Variants in TRHDE observed in about 807,000 individuals in gnomAD.
The protein encoded by TRHDE is thyrotropin releasing hormone degrading enzyme, also known as thyrotropin-releasing hormone-degrading ectoenzyme.
A neutral mutation model predicts 125.7 loss-of-function variants in TRHDE; 72 were observed. The observed-to-expected ratio is 0.57, with a 90% CI of 0.47 to 0.70. The LOEUF is 0.70. Ranked by LOEUF, TRHDE falls within the 30% of genes least tolerant of loss-of-function variation. TRHDE has a pLI of 0.00. For missense variants in TRHDE, 1,110 were observed against 1,327.1 expected, an observed-to-expected ratio of 0.84 and a Z score of 2.54; for synonymous variants, 509 against 509.1, an observed-to-expected ratio of 1.00 and a Z score of 0.00.
intron 2 of TRHDE, among the ~76,000 whole-genome samples, chr12:72,118,964 G>A (rs1039034879): frequency 6.6e-6 from 1 of 151,588 alleles, no homozygotes; most frequent in African/African-American, 2.4e-5. Flanking sequence ...AAGGTTTGTT[G>A]ATTTTGTTTA....
chr12:72,404,836 C>G (rs747461055), intron 3 of TRHDE, among the ~76,000 whole-genome samples: 12 of 152,176 alleles, frequency 7.9e-5, no homozygotes, highest in Non-Finnish European at 1.5e-4. Context: ...ACCTCTGCTA[C>G]TTCTGAGATA....
intron 2 of TRHDE, among the ~76,000 whole-genome samples, chr12:72,372,272 T>C (rs1311642997): frequency 6.6e-6 from 1 of 152,144 alleles, no homozygotes; most frequent in African/African-American, 2.4e-5. Context: ...TTGAGTTCAT[T>C]GTAGATTCTA....
At chr12:72,125,389 A>G (rs1182335048) in intron 2 of TRHDE, among the ~76,000 whole-genome samples, 3 of 152,034 alleles carry the variant, frequency 2.0e-5, no homozygotes, top group Non-Finnish European at 4.4e-5. Context: ...CTGAATGCTT[A>G]CCTATTAAAA....
At position 72,272,777 on chromosome 12, in the gene TRHDE, C is replaced by A; in HGVS notation, c.134C>A (p.Ala45Glu). ...AEKSSSPFAA[A>E]MGEDDAALRA... ...AAGAGCAGCTCACCCTTCGCAGCCG[C>A]GATGGGGGAAGACGACGCCGCGCTT... Residue 45 changes from alanine to glutamate, a missense_variant, in exon 1 of 19, where the codon GCG (alanine) becomes GAG (glutamate). Ala to Glu is a moderately radical substitution (Grantham distance 107, BLOSUM62 -1). This residue lies in a region of TRHDE where 248 missense variants were observed against 240.8 expected (regional missense o/e 1.03). Transcript: ENST00000261180. This position sits in a 1 kb window ranked among gnomAD's most constrained non-coding sequence, Gnocchi z 6.7. 6.4e-7 allele frequency: 1 copy of A among 1,551,804 alleles called. No individual in the cohort carries two copies. Among genetic ancestry groups the A allele is most frequent in the Non-Finnish European group, 8.7e-7 (1 of 1,150,806 alleles).
chr12:72,588,598 G>A (rs551537098), intron 12 of TRHDE, among the ~76,000 whole-genome samples: 7 of 152,242 alleles, frequency 4.6e-5, no homozygotes, highest in African/African-American at 7.2e-5. Context: ...CCAGGCCTGT[G>A]TTTTTAAAGG....
chr12:72,218,507 A>C (rs1877940107), intron 2 of TRHDE, among the ~76,000 whole-genome samples: 1 of 152,094 alleles, frequency 6.6e-6, no homozygotes, highest in Non-Finnish European at 1.5e-5. Context: ...GCTGTAATAA[A>C]TTACTACTAA....
chr12:72,464,442 C>T (rs1000137612), intron 3 of TRHDE, among the ~76,000 whole-genome samples: 23 of 152,034 alleles, frequency 1.5e-4, no homozygotes, highest in African/African-American at 4.8e-4. Flanking sequence ...CTGCATTCTC[C>T]GGAGGGGATG....
chr12:72,350,024 T>C (rs946326748), intron 2 of TRHDE, among the ~76,000 whole-genome samples: 1 of 151,992 alleles, frequency 6.6e-6, no homozygotes, highest in African/African-American at 2.4e-5. Flanking sequence ...ATGATACCAT[T>C]TTATGTGCCA....
At chr12:72,180,267 A>T (rs981693601) in intron 2 of TRHDE, among the ~76,000 whole-genome samples, 3 of 152,146 alleles carry the variant, frequency 2.0e-5, no homozygotes, top group Non-Finnish European at 4.4e-5. Flanking sequence ...GACATGCAGA[A>T]ATATTTGTGT....
intron 3 of TRHDE, among the ~76,000 whole-genome samples, chr12:72,384,444 C>A (rs901954778): frequency 4.6e-5 from 7 of 152,094 alleles, no homozygotes; most frequent in African/African-American, 1.7e-4. Flanking sequence ...TATAATCAAG[C>A]ACCAACATTT....
intron 2 of TRHDE, among the ~76,000 whole-genome samples, chr12:72,223,669 T>G (rs764615213): frequency 2.9e-4 from 44 of 152,250 alleles, no homozygotes; most frequent in Middle Eastern, 3.4e-3. Context: ...CAATATAAAC[T>G]CAGTTGTATA....
intron 3 of TRHDE, among the ~76,000 whole-genome samples, chr12:72,401,177 T>A (rs185287997): frequency 6.6e-6 from 1 of 152,294 alleles, no homozygotes; most frequent in African/African-American, 2.4e-5. Flanking sequence ...TTGTCTTGTT[T>A]AAAGGCAGAT....
intron 2 of TRHDE, among the ~76,000 whole-genome samples, chr12:72,216,741 T>C (rs2139365429): frequency 6.6e-6 from 1 of 152,284 alleles, no homozygotes; most frequent in South Asian, 2.1e-4. Context: ...TTACATTTCC[T>C]CTAAGATTTT....
chr12:72,574,256 T>C (rs1592546773), intron 10 of TRHDE, among the ~76,000 whole-genome samples: 1 of 152,054 alleles, frequency 6.6e-6, no homozygotes, highest in Non-Finnish European at 1.5e-5. Context: ...GAACTAGAGA[T>C]GTATCCCTAC....
In TRHDE at chr12:72,305,256, TA is replaced by T. The variant is rs1460266223; in HGVS notation, c.1188+18303del. On this transcript the variant is annotated intron_variant, in intron 2 of 18. Transcript: ENST00000261180. Reference sequence around the variant, plus strand: ...ATGACATTCCTACTGACATGCTCAGTAGGAAATAATAAATGTTATTCCATAA... The same window carrying T: ...ATGACATTCCTACTGACATGCTCAGTGGAAATAATAAATGTTATTCCATAA... Among the ~76,000 whole-genome samples, 7 of 152,184 alleles carry T rather than the reference TA, an allele frequency of 4.6e-5. No individual in the cohort carries two copies. In the East Asian group the frequency reaches 1.3e-3, roughly 29 times the overall value.
rs546225614 is a variant in TRHDE at position 72,282,859 on chromosome 12, C to G, written c.915-3822C>G. Among the ~76,000 whole-genome samples, 55 of 152,306 alleles carry G rather than the reference C, an allele frequency of 3.6e-4. 1 individual carries two copies. The highest frequency in any genetic ancestry group is 1.3e-3 in the African/African-American group (52 of 41,564). The stretch of plus-strand genomic sequence containing the variant: ...GACAATTTCTTCCTACAGTGGACAT[C>G]TGCAATGTCCAGAGACATTTTTGCC... On this transcript the variant is annotated intron_variant, in intron 1 of 18. Transcript: ENST00000261180.
At chr12:72,320,075 C>T (rs1697168638) in intron 2 of TRHDE, among the ~76,000 whole-genome samples, 1 of 151,940 alleles carries the variant, frequency 6.6e-6, no homozygotes, top group South Asian at 2.1e-4. Context: ...ATTTTATCTA[C>T]CCTACTTTTA....
intron 3 of TRHDE, among the ~76,000 whole-genome samples, chr12:72,380,853 C>T (rs779567906): frequency 4.3e-4 from 64 of 147,926 alleles, no homozygotes; most frequent in Non-Finnish European, 6.1e-4. Flanking sequence ...CTCCTTCTCT[C>T]TCTCTCTTTC....
intron 2 of TRHDE, among the ~76,000 whole-genome samples, chr12:72,184,962 C>A (rs890664650): frequency 1.3e-5 from 2 of 152,194 alleles, no homozygotes; most frequent in East Asian, 3.9e-4. Flanking sequence ...CTTCAGCCCC[C>A]CCACTGCACT....
Sources: allele counts gnomAD v4.1 joint callset (sites outside exome capture counted in the v4.1 genomes callset), GRCh38; gene constraint gnomAD v4.1.1; regional missense constraint gnomAD v4.1.1; non-coding constraint Gnocchi (gnomAD v3.1); transcripts MANE v1.5; gene names NCBI Gene and HGNC (gene_info 2026-07-23, HGNC 2026-07-21).